The following GFRA1 variants were observed in gnomAD, a reference collection of about 807,000 sequenced individuals.
GFRA1 encodes the protein GDNF family receptor alpha-1.
A neutral mutation model predicts 51.6 loss-of-function variants in GFRA1; 16 were observed. The ratio of observed to expected loss-of-function variants is 0.31; its 90% CI spans 0.21 to 0.47. GFRA1 has a LOEUF of 0.47. GFRA1 is among the 20% of genes least tolerant of loss of function. GFRA1 has a pLI of 1.00. For missense variants in GFRA1, 530 were observed against 594.3 expected (o/e 0.89, Z 1.13); for synonymous variants, 270 against 241.3 (o/e 1.12, Z -1.10).
intron 4 of GFRA1, among the ~76,000 whole-genome samples, chr10:116,255,073 G>C (rs1382819503): frequency 6.6e-6 from 1 of 152,164 alleles, no homozygotes; most frequent in South Asian, 2.1e-4. Context: ...CAAAAACAAG[G>C]CTGCCTGGGT....
intron 6 of GFRA1, among the ~76,000 whole-genome samples, chr10:116,105,616 G>C (rs1197847706): frequency 6.8e-6 from 1 of 147,024 alleles, no homozygotes; most frequent in Non-Finnish European, 1.6e-5. Context: ...AAAAATTAGT[G>C]AGAGAATTGG....
chr10:116,165,300 A>G (rs1044114450), intron 5 of GFRA1, among the ~76,000 whole-genome samples: 2 of 152,096 alleles, frequency 1.3e-5, no homozygotes, highest in African/African-American at 2.4e-5. Flanking sequence ...TCCTCCCCCT[A>G]TTGTGGATAA....
At chr10:116,180,711 A>T (rs1256598868) in intron 5 of GFRA1, among the ~76,000 whole-genome samples, 3 of 151,938 alleles carry the variant, frequency 2.0e-5, no homozygotes, top group African/African-American at 7.3e-5. Flanking sequence ...TTTCTTTTTA[A>T]GAGCTCTGTT....
intron 5 of GFRA1, among the ~76,000 whole-genome samples, chr10:116,160,897 T>C (rs1959701328): frequency 6.6e-6 from 1 of 152,178 alleles, no homozygotes; most frequent in Admixed American, 6.5e-5. Context: ...AATAAATTCT[T>C]AATTCTTGGG....
At chr10:116,204,878 G>A (rs1213816277) in intron 5 of GFRA1, among the ~76,000 whole-genome samples, 1 of 152,132 alleles carries the variant, frequency 6.6e-6, no homozygotes, top group Non-Finnish European at 1.5e-5. Flanking sequence ...ACTCCTTAAA[G>A]GCAGGCTATG....
At chr10:116,073,626 G>A (rs948326709) in intron 9 of GFRA1, among the ~76,000 whole-genome samples, 4 of 152,138 alleles carry the variant, frequency 2.6e-5, no homozygotes, top group Non-Finnish European at 5.9e-5. Context: ...GCCCTAAAAT[G>A]AAACATTTGT....
At chr10:116,219,964 A>G (rs886477535) in intron 4 of GFRA1, among the ~76,000 whole-genome samples, 17 of 152,268 alleles carry the variant, frequency 1.1e-4, no homozygotes, top group African/African-American at 4.1e-4. Context: ...TTGCAAAATG[A>G]TTTCTACTAG....
intron 5 of GFRA1, among the ~76,000 whole-genome samples, chr10:116,165,280 C>T (rs1960261009): frequency 6.6e-6 from 1 of 152,168 alleles, no homozygotes; most frequent in Admixed American, 6.5e-5. Flanking sequence ...TTGTCTCCAT[C>T]TCTCAACTAT....
intron 5 of GFRA1, among the ~76,000 whole-genome samples, chr10:116,141,615 GCT>G (rs1363434580): frequency 3.9e-5 from 6 of 152,084 alleles, no homozygotes; most frequent in Admixed American, 6.6e-5. Context: ...GCAGAGTCTT[GCT>G]CTGTCACCCA....
At chr10:116,185,959 C>G in intron 5 of GFRA1, among the ~76,000 whole-genome samples, 1 of 152,212 alleles carries the variant, frequency 6.6e-6, no homozygotes, top group South Asian at 2.1e-4. Context: ...GGTATACCTC[C>G]AGGAAAGCTG....
At chr10:116,146,348 T>C (rs1027135236) in intron 5 of GFRA1, among the ~76,000 whole-genome samples, 3 of 152,256 alleles carry the variant, frequency 2.0e-5, no homozygotes, top group African/African-American at 7.2e-5. Flanking sequence ...ACATTCCTGA[T>C]AGGAGAACCA....
chr10:116,271,719 T>C (rs1248419968), intron 2 of GFRA1, among the ~76,000 whole-genome samples: 1 of 152,174 alleles, frequency 6.6e-6, no homozygotes, highest in Non-Finnish European at 1.5e-5. Flanking sequence ...TGCAGGGCCC[T>C]GGGCTGGAGG....
At chr10:116,191,353 C>T (rs1040278396) in intron 5 of GFRA1, among the ~76,000 whole-genome samples, 1 of 152,178 alleles carries the variant, frequency 6.6e-6, no homozygotes, top group Non-Finnish European at 1.5e-5. Flanking sequence ...TACATTTTCA[C>T]CATATGTTGC....
chr10:116,071,408 G>C (rs1955385970), intron 9 of GFRA1, among the ~76,000 whole-genome samples: 2 of 152,258 alleles, frequency 1.3e-5, no homozygotes, highest in South Asian at 4.1e-4. Flanking sequence ...AGTCTGGGCA[G>C]GTAGAGTCAC....
At chr10:116,210,924 C>T (rs1369526318) in intron 5 of GFRA1, among the ~76,000 whole-genome samples, 3 of 152,326 alleles carry the variant, frequency 2.0e-5, no homozygotes, top group Non-Finnish European at 4.4e-5. Flanking sequence ...TCCCCCTTGA[C>T]GTATATCCAG....
intron 9 of GFRA1, among the ~76,000 whole-genome samples, chr10:116,083,588 G>A (rs1440149729): frequency 6.6e-6 from 1 of 152,210 alleles, no homozygotes; most frequent in Non-Finnish European, 1.5e-5. Context: ...AACACCCATT[G>A]GCAGCTTTCC....
chr10:116,212,599 C>T (rs1965286436), intron 4 of GFRA1, among the ~76,000 whole-genome samples: 1 of 151,740 alleles, frequency 6.6e-6, no homozygotes, highest in Admixed American at 6.6e-5. Flanking sequence ...CAAGCAGTCA[C>T]TAACTACCAC....
rs1024520805 is a variant in GFRA1, at chr10:116,125,349, G to A, written c.642C>T (p.Cys214=). ...CTGTGCAGGCGATGTCCCGGCAGGA[G>A]CAGAAGAGCATTCCGTAGCTGTGCT... is the stretch of plus-strand genomic sequence containing the variant. ...PAKHSYGMLF[C]SCRDIACTER... The change falls in exon 6 of 11, where the codon TGC becomes TGT. Residue 214 remains cysteine (C), a synonymous_variant. Coordinates refer to ENST00000355422, the MANE Select transcript of GFRA1 (RefSeq NM_005264.8). 1 of 1,614,244 alleles carries A rather than the reference G, an allele frequency of 6.2e-7. No individual in the cohort carries two copies. The highest frequency in any genetic ancestry group is 8.5e-7 in the Non-Finnish European group (1 of 1,180,034).
intron 4 of GFRA1, among the ~76,000 whole-genome samples, chr10:116,230,553 A>G (rs1966612873): frequency 6.6e-6 from 1 of 152,224 alleles, no homozygotes; most frequent in Non-Finnish European, 1.5e-5. Flanking sequence ...TATTCTCAGT[A>G]GAAATCTAGC....
Sources: gnomAD v4.1 joint callset for allele counts (sites outside exome capture counted in the v4.1 genomes callset) on GRCh38, gnomAD v4.1.1 for gene constraint, MANE v1.5 for transcripts, NCBI Gene and HGNC (gene_info 2026-07-23, HGNC 2026-07-21) for gene names.